STPG2: variants seen among roughly 807,000 people sequenced by gnomAD.
STPG2 encodes sperm-tail PG-rich repeat-containing protein 2.
In STPG2, 56 loss-of-function variants were observed where a neutral mutation model predicts 54.2. The ratio of observed to expected loss-of-function variants is 1.03; its 90% confidence interval spans 0.83 to 1.29. STPG2 has a LOEUF of 1.29. Ranked by LOEUF, STPG2 falls within the 50% of genes most tolerant of loss-of-function variation. STPG2 has a pLI of 0.00. For synonymous variants in STPG2, 200 were observed against 181.8 expected, an observed-to-expected ratio of 1.10 and a Z score of -0.81; for missense variants, 596 against 544.9, an observed-to-expected ratio of 1.09 and a Z score of -0.93.
At chr4:97,576,835 C>CAA (rs1732735937) in intron 10 of STPG2, among the ~76,000 whole-genome samples, 1 of 152,030 alleles carries the variant, frequency 6.6e-6, no homozygotes, top group South Asian at 2.1e-4. Flanking sequence ...AGAAAACATT[C>CAA]ACAAATGAGG....
chr4:97,850,511 T>G (rs1001999131), intron 8 of STPG2, among the ~76,000 whole-genome samples: 17 of 152,056 alleles, frequency 1.1e-4, no homozygotes, highest in African/African-American at 4.1e-4. Context: ...AAATTATCTA[T>G]ACTTTATAAA....
chr4:97,700,856 C>A (rs1433321842), intron 10 of STPG2, among the ~76,000 whole-genome samples: 1 of 152,190 alleles, frequency 6.6e-6, no homozygotes, highest in Admixed American at 6.5e-5. Context: ...GGCTGCATAG[C>A]AAGTACCAGG....
chr4:97,515,823 T>C (rs1448889328), intron 4 of STPG2, among the ~76,000 whole-genome samples: 1 of 152,022 alleles, frequency 6.6e-6, no homozygotes, highest in East Asian at 1.9e-4. Context: ...TGTGTATATA[T>C]ATAGAGAGAG....
intron 10 of STPG2, among the ~76,000 whole-genome samples, chr4:97,609,024 G>T (rs1366695685): frequency 6.6e-6 from 1 of 151,936 alleles, no homozygotes; most frequent in Non-Finnish European, 1.5e-5. Context: ...GTTTAGGTTT[G>T]CAAATATGAA....
At chr4:98,115,438 T>C (rs963776701) in intron 3 of STPG2, among the ~76,000 whole-genome samples, 1 of 151,996 alleles carries the variant, frequency 6.6e-6, no homozygotes, top group Non-Finnish European at 1.5e-5. Context: ...CAAAATGTTA[T>C]ATAAAATAAC....
rs146519600 is a variant in STPG2 at position 97,576,812 on chromosome 4, C to T, written c.1321-17695G>A. Among the ~76,000 whole-genome samples the T allele has an allele frequency of 4.9e-3, 748 of 152,108 alleles. 5 individuals carry two copies. The highest frequency in any genetic ancestry group is 7.3e-3 in the Non-Finnish European group (495 of 68,004). ...GACTATCAACATAGAAAATATACAA[C>T]CTACAGAACAAGAGAAAACATTCAC... On this transcript the variant is annotated intron_variant, in intron 10 of 10. Transcript: ENST00000295268.
chr4:98,096,408 A>G (rs1391404277), intron 5 of STPG2, among the ~76,000 whole-genome samples: 1 of 151,640 alleles, frequency 6.6e-6, no homozygotes, highest in African/African-American at 2.4e-5. Context: ...AAAAAAAGAA[A>G]AAAAAAAATC....
intron 10 of STPG2, among the ~76,000 whole-genome samples, chr4:97,559,972 T>A (rs1261790738): frequency 6.6e-6 from 1 of 152,184 alleles, no homozygotes; most frequent in Non-Finnish European, 1.5e-5. Context: ...AAGTCATTTG[T>A]CCTCCACAAG....
At chr4:97,556,652 A>T (rs1441635959), downstream of STPG2, among the ~76,000 whole-genome samples, 1 of 152,172 alleles carries the variant, frequency 6.6e-6, no homozygotes, top group Non-Finnish European at 1.5e-5. Flanking sequence ...TAACTTGAAG[A>T]TTTTACTGCA....
chr4:97,563,990 T>G (rs951033195), intron 10 of STPG2, among the ~76,000 whole-genome samples: 16 of 152,094 alleles, frequency 1.1e-4, no homozygotes, highest in South Asian at 4.2e-4. Context: ...GGATATCCTT[T>G]TTAACTTTCT....
intron 4 of STPG2, among the ~76,000 whole-genome samples, chr4:97,462,100 A>C: frequency 6.6e-6 from 1 of 151,984 alleles, no homozygotes; most frequent in East Asian, 1.9e-4. Flanking sequence ...TCAACAACAC[A>C]TCTGGAATCA....
chr4:98,098,993 C>G (rs1279486831), intron 5 of STPG2, among the ~76,000 whole-genome samples: 1 of 151,990 alleles, frequency 6.6e-6, no homozygotes, highest in Non-Finnish European at 1.5e-5. Flanking sequence ...AAAGGAAACC[C>G]TTGTACACTG....
chr4:97,635,483 CATAACCCT>C (rs1200970094), intron 10 of STPG2, among the ~76,000 whole-genome samples: 2 of 152,164 alleles, frequency 1.3e-5, no homozygotes, highest in Non-Finnish European at 2.9e-5. Flanking sequence ...CAAATTCACA[CATAACCCT>C]ATTAACTTTA....
At chr4:98,100,482 T>C (rs1738992890) in intron 5 of STPG2, among the ~76,000 whole-genome samples, 1 of 152,040 alleles carries the variant, frequency 6.6e-6, no homozygotes, top group Non-Finnish European at 1.5e-5. Context: ...ATGGGTTCAA[T>C]ATAAGCAAAG....
intron 10 of STPG2, among the ~76,000 whole-genome samples, chr4:97,562,384 CA>C (rs1316662707): frequency 7.9e-5 from 12 of 152,202 alleles, no homozygotes; most frequent in Non-Finnish European, 1.6e-4. Context: ...ATGTCATCTG[CA>C]AACAGGGACA....
chr4:97,712,441 T>G (rs1545598), intron 10 of STPG2, among the ~76,000 whole-genome samples: 89,579 of 151,890 alleles, frequency 0.59, 26,728 homozygotes, highest in South Asian at 0.68. Flanking sequence ...ATATTTGTAG[T>G]AATATAAATA....
At chr4:97,664,973 T>G (rs1430750380) in intron 10 of STPG2, among the ~76,000 whole-genome samples, 1 of 152,046 alleles carries the variant, frequency 6.6e-6, no homozygotes, top group Admixed American at 6.6e-5. Context: ...GCAGGGTGGA[T>G]AGCACCAGGT....
At chr4:97,565,746 C>T (rs113035716) in intron 10 of STPG2, among the ~76,000 whole-genome samples, 10,322 of 152,186 alleles carry the variant, frequency 0.068, 979 homozygotes, top group African/African-American at 0.21. Flanking sequence ...TGCAGAACAG[C>T]GGATTTTCGT....
intron 4 of STPG2, among the ~76,000 whole-genome samples, chr4:97,549,401 A>T (rs1731915531): frequency 6.6e-6 from 1 of 152,112 alleles, no homozygotes; most frequent in African/African-American, 2.4e-5. Flanking sequence ...TCACTCTAAA[A>T]TATTATGTTT....
Sources: allele counts gnomAD v4.1 joint callset (sites outside exome capture counted in the v4.1 genomes callset), GRCh38; gene constraint gnomAD v4.1.1; transcripts MANE v1.5; gene names NCBI Gene and HGNC (gene_info 2026-07-23, HGNC 2026-07-21).